VPS13C: variants seen among roughly 807,000 people sequenced by gnomAD.
The protein encoded by VPS13C is intermembrane lipid transfer protein VPS13C.
A neutral mutation model predicts 456.8 loss-of-function variants in VPS13C; 358 were observed. The ratio of observed to expected loss-of-function variants is 0.78; its 90% CI spans 0.72 to 0.86. VPS13C has a LOEUF of 0.86. Among genes scored for constraint, VPS13C ranks in the 40% least tolerant of loss-of-function variants. The probability of loss-of-function intolerance (pLI) is 0.00; values close to 1 mark genes in which losing one functional copy is unlikely to be tolerated. For missense variants in VPS13C, 4,818 were observed against 4,385.4 expected, an observed-to-expected ratio of 1.10 and a Z score of -2.79; for synonymous variants, 1,578 against 1,486.7, an observed-to-expected ratio of 1.06 and a Z score of -1.41.
At chr15:61,893,840 T>C (rs2042724069) in intron 66 of VPS13C, among the ~76,000 whole-genome samples, 1 of 152,078 alleles carries the variant, frequency 6.6e-6, no homozygotes, top group Non-Finnish European at 1.5e-5. Flanking sequence ...TAAAATAATG[T>C]ATTGTGTCTA....
At chr15:61,986,724 TAAA>T in intron 18 of VPS13C, among the ~76,000 whole-genome samples, 1 of 152,168 alleles carries the variant, frequency 6.6e-6, no homozygotes, top group South Asian at 2.1e-4. Flanking sequence ...GAGATTTTCT[TAAA>T]AATAGAAAAA....
chr15:61,913,271 G>T (rs200255789), intron 62 of VPS13C, 40 bp downstream of exon 62: 2 of 1,563,308 alleles, frequency 1.3e-6, no homozygotes, highest in South Asian at 2.2e-5. Flanking sequence ...TGTAGCAAAG[G>T]TGAACGGAAT....
chr15:61,905,452 A>G (rs2043128680), intron 66 of VPS13C, among the ~76,000 whole-genome samples: 1 of 152,154 alleles, frequency 6.6e-6, no homozygotes, highest in African/African-American at 2.4e-5. Flanking sequence ...TTTTAATAGA[A>G]TTTAAACCAT....
At chr15:61,969,674 CA>C (rs1253441666) in intron 27 of VPS13C, among the ~76,000 whole-genome samples, 1 of 152,052 alleles carries the variant, frequency 6.6e-6, no homozygotes, top group Non-Finnish European at 1.5e-5. Context: ...AATTTAACTT[CA>C]TTGTTTACTT....
chr15:61,941,615 C>T (rs1332553457), intron 46 of VPS13C, 148 bp downstream of exon 46: 4 of 796,096 alleles, frequency 5.0e-6, no homozygotes, highest in Non-Finnish European at 5.7e-6. Context: ...TGTTTAACCA[C>T]TGACCAAGAA....
At chr15:61,932,790 C>A (rs1207180030) in intron 49 of VPS13C, among the ~76,000 whole-genome samples, 2 of 152,194 alleles carry the variant, frequency 1.3e-5, no homozygotes, top group African/African-American at 4.8e-5. Context: ...ATTCTGTAAT[C>A]ATTAATAGCA....
At chr15:62,016,794 G>C (rs2047268485) in intron 9 of VPS13C, among the ~76,000 whole-genome samples, 1 of 152,090 alleles carries the variant, frequency 6.6e-6, no homozygotes, top group Non-Finnish European at 1.5e-5. Flanking sequence ...CCCAGTAATA[G>C]GATGGCTAGG....
intron 67 of VPS13C, among the ~76,000 whole-genome samples, chr15:61,884,660 C>A (rs531575981): frequency 2.8e-4 from 42 of 150,862 alleles, no homozygotes; most frequent in Admixed American, 1.3e-3. Context: ...TAATTAAGAG[C>A]AATTCTTAAA....
In VPS13C at chr15:62,020,976, G is replaced by C. The variant is rs573609552; in HGVS notation, c.625-438C>G. ...AGCCATAAAAAAGGAAAACATGTTT[G>C]TTTGGGTTTTTTTGCAGCAACATGG... On this transcript the variant is annotated intron_variant, in intron 8 of 84. Coordinates refer to ENST00000644861, the MANE Select transcript of VPS13C (RefSeq NM_020821.3). Among the ~76,000 whole-genome samples the C allele has an allele frequency of 1.2e-4, 18 of 152,038 alleles. No homozygotes were observed. The South Asian group carries it at 1.2e-3, about 11-fold the overall frequency.
Position 61,916,002 on chromosome 15 carries a change from C to G in VPS13C, c.8076G>C (p.Glu2692Asp). The change falls in exon 61 of 85, where the codon GAG becomes GAC. Residue 2692 changes from glutamate to aspartate, a missense_variant. Physicochemically the swap from Glu to Asp is conservative, Grantham distance 45. Coordinates refer to ENST00000644861, the MANE Select transcript of VPS13C (RefSeq NM_020821.3). ...YLLEGTAETH[E>D]LAEGSTADVL... ...CATCAGCAGTACTGCCTTCTGCCAGCTCATGAGTTTCTGCTGTTCCCTAAA... is the reference window on the plus strand; with the variant it reads ...CATCAGCAGTACTGCCTTCTGCCAGGTCATGAGTTTCTGCTGTTCCCTAAA... 1 of 1,586,614 alleles carries G rather than the reference C, an allele frequency of 6.3e-7. No homozygotes were observed. Among genetic ancestry groups the G allele is most frequent in the African/African-American group, 1.3e-5 (1 of 74,274 alleles).
chr15:62,019,224 C>CT (rs1365603089), intron 9 of VPS13C, among the ~76,000 whole-genome samples: 1 of 152,026 alleles, frequency 6.6e-6, no homozygotes, highest in Non-Finnish European at 1.5e-5. Flanking sequence ...TTTTGTTGAT[C>CT]TTTTCAAAAA....
In VPS13C at chr15:62,036,015, G is replaced by A. The variant is rs1029409568; in HGVS notation, c.188-963C>T. Among the ~76,000 whole-genome samples, 6 of 151,888 alleles carry A rather than the reference G, an allele frequency of 4.0e-5. No homozygotes were observed. In the South Asian group the frequency reaches 8.3e-4, roughly 21 times the overall value. ...TTTCCCTAATCTCTAGTATCCCCTCGTTCCAGGTCTCCAGGCAGCAAAATG... is the reference window on the plus strand; with the variant it reads ...TTTCCCTAATCTCTAGTATCCCCTCATTCCAGGTCTCCAGGCAGCAAAATG... On this transcript the variant is annotated intron_variant, in intron 3 of 84. Transcript: ENST00000644861.
At chr15:62,033,075 C>T (rs1386733971) in intron 5 of VPS13C, among the ~76,000 whole-genome samples, 1 of 151,488 alleles carries the variant, frequency 6.6e-6, no homozygotes, top group Non-Finnish European at 1.5e-5. Flanking sequence ...TAGCATTATG[C>T]TTAACCTCAT....
intron 67 of VPS13C, among the ~76,000 whole-genome samples, chr15:61,888,850 T>C (rs1005706094): frequency 1.3e-5 from 2 of 152,102 alleles, no homozygotes; most frequent in Non-Finnish European, 1.5e-5. Flanking sequence ...ATGTTAGATA[T>C]AGAAGTTAGA....
intron 67 of VPS13C, 102 bp from the exon 68 acceptor site, chr15:61,884,371 T>C: frequency 7.9e-7 from 1 of 1,270,762 alleles, no homozygotes; most frequent in Non-Finnish European, 1.1e-6. Context: ...CCTATGAAAA[T>C]TACATTGGTA....
At position 61,991,718 on chromosome 15, in the gene VPS13C, T is replaced by A; in HGVS notation, c.1438A>T (p.Lys480Ter). The A allele has an allele frequency of 6.2e-7, 1 of 1,613,112 alleles. No homozygotes were observed. The highest frequency in any genetic ancestry group is 8.5e-7 in the Non-Finnish European group (1 of 1,179,464). ...RGGWFSGLWGKKESKKKDEES... is the reference protein window; with the variant it reads ...RGGWFSGLWG ...TCGTCCTTTTTCTTAGACTCTTTCT[T>A]ACCCCACAACCCACTAAACCAGCCT... Residue 480 changes from lysine (K) to a stop codon, truncating the protein, a stop_gained, in exon 17 of 85, where the codon AAG becomes TAG. Coordinates refer to ENST00000644861, the MANE Select transcript of VPS13C (RefSeq NM_020821.3). LOFTEE classifies it high-confidence loss of function.
chr15:62,021,236 C>T (rs2140568206), intron 8 of VPS13C, among the ~76,000 whole-genome samples: 1 of 151,890 alleles, frequency 6.6e-6, no homozygotes, highest in East Asian at 1.9e-4. Flanking sequence ...GTTCAGACTT[C>T]ACCACTATGC....
chr15:61,877,630 A>G (rs1057219725), intron 74 of VPS13C, among the ~76,000 whole-genome samples: 6 of 151,774 alleles, frequency 4.0e-5, no homozygotes, highest in Non-Finnish European at 7.4e-5. Context: ...AAAGAGAACT[A>G]CTGAGTGAAA....
intron 47 of VPS13C, among the ~76,000 whole-genome samples, chr15:61,938,259 T>G (rs1439122299): frequency 9.3e-6 from 1 of 107,984 alleles, no homozygotes; most frequent in African/African-American, 3.4e-5. Context: ...CCTCTTTCAC[T>G]TTGCTGTGGG....
Sources: allele counts gnomAD v4.1 joint callset (sites outside exome capture counted in the v4.1 genomes callset), GRCh38; gene constraint gnomAD v4.1.1; transcripts MANE v1.5; gene names NCBI Gene and HGNC (gene_info 2026-07-23, HGNC 2026-07-21).